The following ZNF518B variants were observed in gnomAD, a reference collection of about 807,000 sequenced individuals.
ZNF518B encodes zinc finger protein 518B.
In ZNF518B, 23 loss-of-function variants were observed where a neutral mutation model predicts 56.3. The ratio of observed to expected loss-of-function variants is 0.41; its 90% CI spans 0.29 to 0.58. ZNF518B has a LOEUF of 0.58. Ranked by LOEUF, ZNF518B falls within the 20% of genes least tolerant of loss-of-function variation. ZNF518B has a pLI of 0.32. For missense variants in ZNF518B, 1,460 were observed against 1,272.1 expected (o/e 1.15, Z -2.25); for synonymous variants, 529 against 465.9 (o/e 1.14, Z -1.74).
At chr4:10,447,201 C>G (rs1715096516) in intron 2 of ZNF518B, among the ~76,000 whole-genome samples, 2 of 152,170 alleles carry the variant, frequency 1.3e-5, no homozygotes, top group African/African-American at 4.8e-5. Context: ...GATGCACACA[C>G]TGCACAGGGG....
rs1332008495 is a variant in ZNF518B, at chr4:10,441,466, C to A, written c.*1638G>T. 3 of 150,168 alleles carry A rather than the reference C, an allele frequency of 2.0e-5. No homozygotes were observed. Among genetic ancestry groups the A allele is most frequent in the African/African-American group, 7.4e-5 (3 of 40,422 alleles). The allele number at this position is 150,168 out of a possible 1,614,324, so 9.3% of individuals were successfully genotyped here. On this transcript the variant is annotated 3_prime_UTR_variant, in exon 3 of 3. Transcript: ENST00000326756. ...AAAAAAAAAAAAAAAATCAAAGTCTCCAATCGACTACCCAATAAACAATCA... is the reference window on the plus strand; with the variant it reads ...AAAAAAAAAAAAAAAATCAAAGTCTACAATCGACTACCCAATAAACAATCA...
In ZNF518B at chr4:10,440,216, C is replaced by T. The variant is rs1328087485; in HGVS notation, c.*2888G>A. The T allele has an allele frequency of 6.6e-6, 1 of 151,910 alleles. No homozygotes were observed. Among genetic ancestry groups the T allele is most frequent in the Non-Finnish European group, 1.5e-5 (1 of 67,996 alleles). 9.4% of individuals were successfully genotyped at this position (151,910 alleles called of 1,614,324 possible). On this transcript the variant is annotated 3_prime_UTR_variant, in exon 3 of 3. Coordinates refer to ENST00000326756, the MANE Select transcript of ZNF518B (RefSeq NM_053042.3). ...GACAGCAGGTGGCCCTTAATGAAGGCTTACAAGATGTTCTCGACTGGGGAT... is the reference window on the plus strand; with the variant it reads ...GACAGCAGGTGGCCCTTAATGAAGGTTTACAAGATGTTCTCGACTGGGGAT...
rs1317592264 is a variant in ZNF518B at position 10,443,179 on chromosome 4, C to T, written c.3150G>A (p.Glu1050=). 8.1e-6 allele frequency: 13 copies of T among 1,614,252 alleles called. No individual in the cohort carries two copies. Among genetic ancestry groups the T allele is most frequent in the Admixed American group, 5.0e-5 (3 of 60,024 alleles). ...FCGRLYEDQE[E]WMSHGQRHLI... ...AATGCCGTTGGCCATGACTCATCCA[C>T]TCTTCCTGGTCTTCATACAGTCGCC... Residue 1050 remains glutamate, a synonymous_variant, in exon 3 of 3, where the codon GAG becomes GAA. Coordinates refer to ENST00000326756, the MANE Select transcript of ZNF518B (RefSeq NM_053042.3).
chr4:10,450,714 A>C (rs913671779), intron 2 of ZNF518B, among the ~76,000 whole-genome samples: 1 of 152,172 alleles, frequency 6.6e-6, no homozygotes, highest in Admixed American at 6.5e-5. Context: ...AAAGCTGTGC[A>C]TGGGTATGCT....
chr4:10,461,038 G>A (rs1715727942), upstream of ZNF518B, among the ~76,000 whole-genome samples: 2 of 152,184 alleles, frequency 1.3e-5, no homozygotes, highest in African/African-American at 4.8e-5. Context: ...AGACAACCCC[G>A]GTTCTCAAGC....
Position 10,443,245 on chromosome 4 carries a change from A to T in ZNF518B, c.3084T>A (p.Pro1028=). The T allele has an allele frequency of 6.2e-7, 1 of 1,614,206 alleles. No homozygotes were observed. Among genetic ancestry groups the T allele is most frequent in the Non-Finnish European group, 8.5e-7 (1 of 1,180,038 alleles). Residue 1028 remains proline (P), a synonymous_variant, in exon 3 of 3, where the codon CCT becomes CCA. Transcript: ENST00000326756. ...KNNYQVVDSL[P]DDSSQCVFKC... is the part of the protein sequence containing the mutation. ...TAAATACACACTGTGAAGAATCATC[A>T]GGCAAGGAATCCACTACCTGGTAGT...
chr4:10,445,016 TAA>T lies in ZNF518B; in HGVS notation c.1311_1312del (p.Tyr438Ter), dbSNP rs754256721. Reference sequence around the variant, plus strand: ...ACTAGAATTTGGCATAATAAAATCATAAGACCTTACCCATTTCACATTTTTAA... The same window carrying T: ...ACTAGAATTTGGCATAATAAAATCATGACCTTACCCATTTCACATTTTTAA... On this transcript the variant is annotated frameshift_variant, in exon 3 of 3. Coordinates refer to ENST00000326756, the MANE Select transcript of ZNF518B (RefSeq NM_053042.3). LOFTEE classifies it high-confidence loss of function. 3 of 1,614,214 alleles carry T rather than the reference TAA, an allele frequency of 1.9e-6. No homozygotes were observed. Among genetic ancestry groups the T allele is most frequent in the South Asian group, 1.1e-5 (1 of 91,082 alleles).
Position 10,444,456 on chromosome 4 carries a change from T to C in ZNF518B, c.1873A>G (p.Asn625Asp), listed in dbSNP as rs762607369. 116 of 1,614,128 alleles carry C rather than the reference T, an allele frequency of 7.2e-5. No individual in the cohort carries two copies. Among genetic ancestry groups the C allele is most frequent in the Non-Finnish European group, 9.4e-5 (111 of 1,180,058 alleles). ...PLELKNSERT[N>D]NTNDGPVISS... ...ATGACTGGGCCATCATTAGTGTTGT[T>C]AGTCCTTTCAGAATTCTTTAATTCC... Residue 625 changes from asparagine to aspartate, a missense_variant, in exon 3 of 3, where the codon AAC becomes GAC. By Grantham distance (23) the Asn-to-Asp change is conservative. Coordinates refer to ENST00000326756, the MANE Select transcript of ZNF518B (RefSeq NM_053042.3).
chr4:10,443,099 T>G lies in ZNF518B; in HGVS notation c.*5A>C, dbSNP rs765174567. On this transcript the variant is annotated 3_prime_UTR_variant, in exon 3 of 3. Coordinates refer to ENST00000326756, the MANE Select transcript of ZNF518B (RefSeq NM_053042.3). ...GATAACTTGCTTTAAAGAGTAACTG[T>G]TTACTTATTTGCCCTTGGAGGAAAG... 1 of 1,606,948 alleles carries G rather than the reference T, an allele frequency of 6.2e-7. No homozygotes were observed. Among genetic ancestry groups the G allele is most frequent in the Non-Finnish European group, 8.5e-7 (1 of 1,176,746 alleles).
chr4:10,442,825 GTC>G lies in ZNF518B; in HGVS notation c.*277_*278del. The G allele has an allele frequency of 2.7e-6, 1 of 374,122 alleles. No individual in the cohort carries two copies. The highest frequency in any genetic ancestry group is 4.8e-6 in the Non-Finnish European group (1 of 207,272). The allele number at this position is 374,122 out of a possible 1,614,324, so 23.2% of individuals were successfully genotyped here. On this transcript the variant is annotated 3_prime_UTR_variant, in exon 3 of 3. Coordinates refer to ENST00000326756, the MANE Select transcript of ZNF518B (RefSeq NM_053042.3). ...AAAACGGGGTGCTAAACAAAGAAAA[GTC>G]TCAGATCCCACTGAAAATCTGTTCA...
In ZNF518B at chr4:10,445,658, G is replaced by C. The variant is rs1362526491; in HGVS notation, c.671C>G (p.Ala224Gly). Residue 224 changes from alanine to glycine, a missense_variant, in exon 3 of 3, where the codon GCT (alanine) becomes GGT (glycine). By Grantham distance (60) the Ala-to-Gly change is moderately conservative. Coordinates refer to ENST00000326756, the MANE Select transcript of ZNF518B (RefSeq NM_053042.3). ...ERAGAKRPVK[A>G]VAKLEPKRTG... ...TCTTTTTGGCTCCAGCTTGGCAACA[G>C]CTTTGACTGGCCGTTTCGCACCTGC... The C allele has an allele frequency of 6.2e-7, 1 of 1,614,166 alleles. No homozygotes were observed. The highest frequency in any genetic ancestry group is 8.5e-7 in the Non-Finnish European group (1 of 1,180,026).
At chr4:10,454,320 A>C (rs756582537) in intron 2 of ZNF518B, 2 of 152,180 alleles carry the variant, frequency 1.3e-5, no homozygotes, top group Non-Finnish European at 2.9e-5. Flanking sequence ...GATTCTTAGA[A>C]ATTTGAATGT....
Position 10,444,991 on chromosome 4 carries a change from A to T in ZNF518B, c.1338T>A (p.Ser446Arg). 1.2e-6 allele frequency: 2 copies of T among 1,614,164 alleles called. No individual in the cohort carries two copies. Among genetic ancestry groups the T allele is most frequent in the Non-Finnish European group, 8.5e-7 (1 of 1,180,018 alleles). Reference protein sequence around the residue: ...RSYDFIMPNSSVHNNGKSFIN... With the variant: ...RSYDFIMPNSRVHNNGKSFIN... ...TGAAGGATTTTCCATTGTTGTGCAC[A>T]CTAGAATTTGGCATAATAAAATCAT... The change falls in exon 3 of 3, where the codon AGT becomes AGA. Residue 446 changes from serine (S) to arginine (R), a missense_variant. Coordinates refer to ENST00000326756, the MANE Select transcript of ZNF518B (RefSeq NM_053042.3).
At position 10,442,913 on chromosome 4, in the gene ZNF518B, C is replaced by CATT; in HGVS notation, c.*190_*191insAAT. 1.8e-6 allele frequency: 1 copy of CATT among 553,526 alleles called. No individual in the cohort carries two copies. Among genetic ancestry groups the CATT allele is most frequent in the South Asian group, 3.0e-5 (1 of 33,284 alleles). The allele number at this position is 553,526 out of a possible 1,614,324, so 34.3% of individuals were successfully genotyped here. A position where few individuals can be genotyped will look rare whatever the true frequency, so the allele number is the denominator to read the frequency against. On this transcript the variant is annotated 3_prime_UTR_variant, in exon 3 of 3. Coordinates refer to ENST00000326756, the MANE Select transcript of ZNF518B (RefSeq NM_053042.3). Reference sequence around the variant, plus strand: ...CCAATTTGCATGTACAATTTCAGAGCCTTCAAATACATTCTGGGGTCCAAT... The same window carrying CATT: ...CCAATTTGCATGTACAATTTCAGAGCATTCTTCAAATACATTCTGGGGTCCAAT...
In ZNF518B at chr4:10,441,099, T is replaced by C. The variant is rs1488765573; in HGVS notation, c.*2005A>G. The C allele has an allele frequency of 2.0e-5, 3 of 152,648 alleles. No homozygotes were observed. The highest frequency in any genetic ancestry group is 1.3e-4 in the Admixed American group (2 of 15,286). 9.5% of individuals were successfully genotyped at this position (152,648 alleles called of 1,614,324 possible). ...CACATAAACCAGACCCCATCATTCCTGTGCTTTCATTTTCCAAAAGTGAGA... is the reference window on the plus strand; with the variant it reads ...CACATAAACCAGACCCCATCATTCCCGTGCTTTCATTTTCCAAAAGTGAGA... On this transcript the variant is annotated 3_prime_UTR_variant, in exon 3 of 3. Transcript: ENST00000326756.
chr4:10,451,067 A>T (rs945358737), intron 2 of ZNF518B: 13 of 152,200 alleles, frequency 8.5e-5, no homozygotes, highest in African/African-American at 3.1e-4. Flanking sequence ...ACTGAGTCTT[A>T]TCTTTCTTCA....
intron 2 of ZNF518B, chr4:10,450,839 CAGAT>C (rs1183274888): frequency 6.6e-6 from 1 of 152,238 alleles, no homozygotes; most frequent in African/African-American, 2.4e-5. Context: ...TTAGGACTTT[CAGAT>C]AGCTTAGGAA....
upstream of ZNF518B, among the ~76,000 whole-genome samples, chr4:10,460,827 T>G (rs574335504): frequency 6.6e-6 from 1 of 152,178 alleles, no homozygotes; most frequent in Non-Finnish European, 1.5e-5. Context: ...CACTGTCCAT[T>G]GGAAAAGGGC....
rs750202070 is a variant in ZNF518B, at chr4:10,443,747, G to T, written c.2582C>A (p.Thr861Asn). ...SAVCSTIHRK[T>N]GLLYGQQGSS... is the part of the protein sequence containing the mutation. ...TCCTTGCTGTCCATACAAGAGGCCA[G>T]TTTTTCTATGGATGGTGCTACAGAC... The change falls in exon 3 of 3, where the codon ACT (threonine) becomes AAT (asparagine). Residue 861 changes from threonine (T) to asparagine (N), a missense_variant. Coordinates refer to ENST00000326756, the MANE Select transcript of ZNF518B (RefSeq NM_053042.3). The T allele has an allele frequency of 1.9e-6, 3 of 1,614,196 alleles. No individual in the cohort carries two copies. Among genetic ancestry groups the T allele is most frequent in the Middle Eastern group, 3.3e-4 (2 of 6,058 alleles).
Sources: allele counts gnomAD v4.1 joint callset (sites outside exome capture counted in the v4.1 genomes callset), GRCh38; gene constraint gnomAD v4.1.1; transcripts MANE v1.5; gene names NCBI Gene and HGNC (gene_info 2026-07-23, HGNC 2026-07-21).